The following POC1B variants were observed in gnomAD, a reference collection of about 807,000 sequenced individuals.
POC1B encodes POC1 centriolar protein homolog B.
POC1B carries 44 observed loss-of-function variants against 60.6 expected under a neutral mutation model. The observed-to-expected ratio is 0.73, with a 90% CI of 0.57 to 0.93. The LOEUF is 0.93. POC1B is among the 40% of genes least tolerant of loss of function. The pLI is 0.00. For synonymous variants in POC1B, 180 were observed against 198.9 expected (o/e 0.90, Z 0.80); for missense variants, 555 against 572.3 (o/e 0.97, Z 0.31).
At chr12:89,480,595 ATTTTTTT>A (rs765505677) in intron 4 of POC1B, among the ~76,000 whole-genome samples, 2 of 69,876 alleles carry the variant, frequency 2.9e-5, no homozygotes. Flanking sequence ...TAATTTTTGT[ATTTTTTT>A]TTTTTTTTTT....
intron 5 of POC1B, among the ~76,000 whole-genome samples, 193 bp from the exon 6 acceptor site, chr12:89,471,922 C>A (rs1882915871): frequency 6.6e-6 from 1 of 152,006 alleles, no homozygotes; most frequent in Admixed American, 6.6e-5. Flanking sequence ...CACATATCAC[C>A]ATGCCCAGGT....
At chr12:89,402,371 C>A in the POC1B span, among the ~76,000 whole-genome samples, 6 of 145,856 alleles carry the variant, frequency 4.1e-5, no homozygotes, top group African/African-American at 1.3e-4. Context: ...ACACACACAC[C>A]CCTTTAAAAA....
At chr12:89,523,304 G>C in intron 2 of POC1B, 1 of 1,614,032 alleles carries the variant, frequency 6.2e-7, no homozygotes, top group Non-Finnish European at 8.5e-7. Flanking sequence ...AACCGCTCTC[G>C]TAGTAATTTT....
At chr12:89,474,492 A>C (rs1396353020) in intron 4 of POC1B, among the ~76,000 whole-genome samples, 1 of 152,198 alleles carries the variant, frequency 6.6e-6, no homozygotes, top group African/African-American at 2.4e-5. Flanking sequence ...CCTTGAGCAC[A>C]TGTGTCCTAG....
At chr12:89,523,314 T>C in intron 2 of POC1B, 10 of 1,614,080 alleles carry the variant, frequency 6.2e-6, no homozygotes, top group Non-Finnish European at 8.5e-6. Flanking sequence ...GTAGTAATTT[T>C]CTTTCAGAAA....
At chr12:89,476,568 C>T (rs2135723297) in intron 4 of POC1B, among the ~76,000 whole-genome samples, 1 of 152,006 alleles carries the variant, frequency 6.6e-6, no homozygotes, top group East Asian at 1.9e-4. Flanking sequence ...ATTAGCTGGG[C>T]CTGGTGGTGC....
intron 9 of POC1B, among the ~76,000 whole-genome samples, chr12:89,464,775 C>T (rs1882620768): frequency 1.3e-5 from 2 of 148,694 alleles, no homozygotes; most frequent in African/African-American, 2.5e-5. Flanking sequence ...CATGAGCCAC[C>T]GCACCTGGCC....
At chr12:89,471,515 G>A in intron 6 of POC1B, 99 bp downstream of exon 6, 4 of 904,088 alleles carry the variant, frequency 4.4e-6, no homozygotes, top group Non-Finnish European at 5.3e-6. Flanking sequence ...GGCAGCCCAT[G>A]ACCCCAAGTA....
intron 10 of POC1B, among the ~76,000 whole-genome samples, chr12:89,446,720 TAA>T (rs1165290902): frequency 7.2e-6 from 1 of 139,462 alleles, no homozygotes; most frequent in Non-Finnish European, 1.6e-5. Flanking sequence ...AAAGTGTAAT[TAA>T]AAAAAAAAAA....
chr12:89,438,103 C>T (rs927078481), intron 10 of POC1B, among the ~76,000 whole-genome samples: 6 of 151,756 alleles, frequency 4.0e-5, no homozygotes, highest in Admixed American at 2.6e-4. Context: ...TTTTCTCACC[C>T]TTCCCTCTAC....
chr12:89,414,223 A>G, the POC1B span, among the ~76,000 whole-genome samples: 2 of 152,008 alleles, frequency 1.3e-5, no homozygotes, highest in Admixed American at 6.6e-5. Flanking sequence ...TTTTTGTTTT[A>G]TAAGTTTAGA....
At chr12:89,522,304 T>C (rs1870953925) in intron 2 of POC1B, 1 of 397,430 alleles carries the variant, frequency 2.5e-6, no homozygotes, top group Non-Finnish European at 4.4e-6. Context: ...AATTTTCTTT[T>C]TGATTAGAAA....
At chr12:89,454,454 C>T (rs1365356292) in intron 10 of POC1B, among the ~76,000 whole-genome samples, 1 of 152,210 alleles carries the variant, frequency 6.6e-6, no homozygotes, top group Non-Finnish European at 1.5e-5. Context: ...TGTCCTCTTA[C>T]AGCAGGCAGA....
At chr12:89,447,907 C>G (rs1385513795) in intron 10 of POC1B, among the ~76,000 whole-genome samples, 1 of 151,832 alleles carries the variant, frequency 6.6e-6, no homozygotes, top group Non-Finnish European at 1.5e-5. Context: ...CCAAGAGAGG[C>G]AAACTGAGTC....
intron 2 of POC1B, among the ~76,000 whole-genome samples, chr12:89,509,039 C>G (rs1253127303): frequency 1.3e-5 from 2 of 152,220 alleles, no homozygotes; most frequent in African/African-American, 4.8e-5. Flanking sequence ...CAAACTGTCA[C>G]ACACTAATTT....
intron 2 of POC1B, among the ~76,000 whole-genome samples, chr12:89,510,929 G>C (rs889307524): frequency 6.6e-6 from 1 of 151,376 alleles, no homozygotes; most frequent in Non-Finnish European, 1.5e-5. Context: ...AATTTTTTTT[G>C]TATTTAGTAC....
At chr12:89,480,962 C>T (rs1868349129) in intron 4 of POC1B, among the ~76,000 whole-genome samples, 1 of 152,222 alleles carries the variant, frequency 6.6e-6, no homozygotes, top group South Asian at 2.1e-4. Flanking sequence ...TCTCAAACTC[C>T]TGGCCTCAAG....
intron 3 of POC1B, 178 bp downstream of exon 3, chr12:89,496,993 G>T: frequency 1.5e-6 from 1 of 651,270 alleles, no homozygotes; most frequent in Non-Finnish European, 2.6e-6. Context: ...TCAAAAAGAA[G>T]ACATAATTTT....
At chr12:89,514,891 T>C (rs912588492) in intron 2 of POC1B, among the ~76,000 whole-genome samples, 1 of 152,082 alleles carries the variant, frequency 6.6e-6, no homozygotes, top group Admixed American at 6.5e-5. Context: ...GCTATGGATA[T>C]CCCCTTAAGC....
Sources: allele counts gnomAD v4.1 joint callset (sites outside exome capture counted in the v4.1 genomes callset), GRCh38; gene constraint gnomAD v4.1.1; transcripts MANE v1.5; gene names NCBI Gene and HGNC (gene_info 2026-07-23, HGNC 2026-07-21).